Variants in GTF2I observed in about 807,000 individuals in gnomAD.
The protein encoded by GTF2I is general transcription factor IIi.
In GTF2I, 12 loss-of-function variants were observed where a neutral mutation model predicts 67.6. The ratio of observed to expected loss-of-function variants is 0.18; its 90% CI spans 0.11 to 0.29. The LOEUF is 0.29. Ranked by LOEUF, GTF2I falls within the 10% of genes least tolerant of loss-of-function variation. The pLI is 1.00. For synonymous variants in GTF2I, 149 were observed against 197.0 expected, an observed-to-expected ratio of 0.76 and a Z score of 2.04; for missense variants, 271 against 580.1, an observed-to-expected ratio of 0.47 and a Z score of 5.47.
intron 1 of GTF2I, among the ~76,000 whole-genome samples, chr7:74,665,050 C>T (rs1804851909): frequency 6.6e-6 from 1 of 151,822 alleles, no homozygotes; most frequent in Non-Finnish European, 1.5e-5. Context: ...AGCGATTTTC[C>T]TGCCTCAGCC....
At chr7:74,719,334 T>G (rs782813678) in intron 12 of GTF2I, among the ~76,000 whole-genome samples, 1 of 152,206 alleles carries the variant, frequency 6.6e-6, no homozygotes, top group African/African-American at 2.4e-5. Flanking sequence ...GTTGATAGTT[T>G]AGTGAGTAAT....
intron 1 of GTF2I, among the ~76,000 whole-genome samples, chr7:74,680,543 C>G (rs1554393894): frequency 2.0e-5 from 3 of 151,858 alleles, no homozygotes. Context: ...GAGTTCGAGA[C>G]CAGCCTGCGC....
intron 3 of GTF2I, among the ~76,000 whole-genome samples, chr7:74,691,376 T>C (rs1554397029): frequency 6.6e-6 from 1 of 152,134 alleles, no homozygotes; most frequent in African/African-American, 2.4e-5. Flanking sequence ...CTGGCTAATT[T>C]TGTATTTTTA....
chr7:74,723,891 G>A (rs1244866371), intron 12 of GTF2I, among the ~76,000 whole-genome samples: 1 of 151,896 alleles, frequency 6.6e-6, no homozygotes, highest in Non-Finnish European at 1.5e-5. Context: ...GCAGTCAATA[G>A]TTTTTTGACA....
intron 1 of GTF2I, among the ~76,000 whole-genome samples, chr7:74,661,730 G>A (rs994187480): frequency 5.5e-4 from 83 of 151,964 alleles, no homozygotes; most frequent in African/African-American, 1.9e-3. Context: ...TAATTCGGAC[G>A]ACTGACGGTA....
At chr7:74,727,646 T>C (rs1248828453) in intron 12 of GTF2I, 1 of 152,246 alleles carries the variant, frequency 6.6e-6, no homozygotes, top group Non-Finnish European at 1.5e-5. Context: ...ACATTTGTTT[T>C]TAAATAAGAA....
Position 74,702,257 on chromosome 7 carries a change from CT to C in GTF2I, c.586+1624del, listed in dbSNP as rs587608311. Among the ~76,000 whole-genome samples, 26 of 150,446 alleles carry C rather than the reference CT, an allele frequency of 1.7e-4. No homozygotes were observed. In the South Asian group the frequency reaches 5.4e-3, roughly 31 times the overall value. On this transcript the variant is annotated intron_variant, in intron 6 of 34. Transcript: ENST00000573035. ...TTTTTTTTTTTAATTGAGACGGAGT[CT>C]CGTTCTGTCACCAAGTTGGAGTGCA...
At chr7:74,712,902 T>G (rs1291873944) in intron 9 of GTF2I, among the ~76,000 whole-genome samples, 1 of 152,200 alleles carries the variant, frequency 6.6e-6, no homozygotes, top group Non-Finnish European at 1.5e-5. Context: ...TGTTTTCTTC[T>G]AAAACTTTTG....
At chr7:74,728,238 G>A (rs1794118814) in intron 12 of GTF2I, among the ~76,000 whole-genome samples, 1 of 152,152 alleles carries the variant, frequency 6.6e-6, no homozygotes, top group Admixed American at 6.5e-5. Flanking sequence ...GGAGGTGGAG[G>A]TTGCAGTGAG....
rs1804215493 is a variant in GTF2I at position 74,658,982 on chromosome 7, GGATTTGCGCT to G, written c.-6+923_-6+932del. Among the ~76,000 whole-genome samples the G allele has an allele frequency of 2.0e-5, 3 of 152,140 alleles. No homozygotes were observed. In the South Asian group the frequency reaches 6.2e-4, roughly 31 times the overall value. On this transcript the variant is annotated intron_variant, in intron 1 of 34. Transcript: ENST00000573035. ...GCGAATTTTGTCCTCCCTAGGTTAT[GGATTTGCGCT>G]GATTTGCGGCTGGGGATGTTCACAG...
chr7:74,662,088 A>C (rs968222765), intron 1 of GTF2I, among the ~76,000 whole-genome samples: 19 of 151,626 alleles, frequency 1.3e-4, no homozygotes, highest in African/African-American at 4.1e-4. Context: ...CCAGCGATTC[A>C]GCTTACTCAA....
chr7:74,681,753 A>C (rs587634456), intron 1 of GTF2I, among the ~76,000 whole-genome samples: 1 of 152,234 alleles, frequency 6.6e-6, no homozygotes, highest in East Asian at 1.9e-4. Context: ...CTCTACTAAA[A>C]ATACAAAAAT....
Position 74,685,937 on chromosome 7 carries a change from C to T in GTF2I, c.-5-3187C>T, listed in dbSNP as rs372923093. On this transcript the variant is annotated intron_variant, in intron 1 of 34. Transcript: ENST00000573035. ...GCGTGGTGGCGGGCGCCTGTAGTCC[C>T]AGCTACTCTGGAGGCTGAGGTGGGA... is the stretch of plus-strand genomic sequence containing the variant. 4.9e-4 allele frequency among the ~76,000 whole-genome samples: 74 copies of T among 152,246 alleles called. No individual in the cohort carries two copies. The East Asian group carries it at 0.014, about 29-fold the overall frequency.
At chr7:74,667,345 A>G (rs1805069366) in intron 1 of GTF2I, among the ~76,000 whole-genome samples, 1 of 152,146 alleles carries the variant, frequency 6.6e-6, no homozygotes, top group African/African-American at 2.4e-5. Flanking sequence ...ACCATCTCAA[A>G]AAAAAGAAAA....
chr7:74,713,827 G>T (rs1791924360), intron 9 of GTF2I, among the ~76,000 whole-genome samples: 1 of 152,142 alleles, frequency 6.6e-6, no homozygotes, highest in African/African-American at 2.4e-5. Flanking sequence ...ATTTTACTCA[G>T]AGTCAGAAGA....
intron 3 of GTF2I, among the ~76,000 whole-genome samples, chr7:74,697,126 G>A (rs896331633): frequency 6.6e-6 from 1 of 152,168 alleles, no homozygotes; most frequent in Admixed American, 6.5e-5. Flanking sequence ...GGCCGGGTGT[G>A]GTGGCTCATG....
At chr7:74,660,067 C>T (rs2131168219) in intron 1 of GTF2I, among the ~76,000 whole-genome samples, 1 of 152,220 alleles carries the variant, frequency 6.6e-6, no homozygotes, top group East Asian at 1.9e-4. Context: ...TGGCTGCTAC[C>T]TTGGCTTTCG....
intron 3 of GTF2I, 58 bp downstream of exon 3, chr7:74,691,169 G>A: frequency 8.4e-7 from 1 of 1,185,040 alleles, no homozygotes; most frequent in Non-Finnish European, 1.2e-6. Flanking sequence ...AATATTTGTA[G>A]GTAAGACAAG....
intron 1 of GTF2I, among the ~76,000 whole-genome samples, chr7:74,661,335 C>G (rs1280219336): frequency 2.6e-5 from 4 of 152,132 alleles, no homozygotes; most frequent in Non-Finnish European, 4.4e-5. Context: ...CACAATGGTG[C>G]AAAATGAAGG....
Sources: gnomAD v4.1 joint callset for allele counts (sites outside exome capture counted in the v4.1 genomes callset) on GRCh38, gnomAD v4.1.1 for gene constraint, MANE v1.5 for transcripts, NCBI Gene and HGNC (gene_info 2026-07-23, HGNC 2026-07-21) for gene names.